IQGAP2: variants seen among roughly 807,000 people sequenced by gnomAD.
The protein encoded by IQGAP2 is ras GTPase-activating-like protein IQGAP2.
A neutral mutation model predicts 201.3 loss-of-function variants in IQGAP2; 173 were observed. The observed-to-expected ratio is 0.86, with a 90% CI of 0.76 to 0.98. IQGAP2 has a LOEUF of 0.98. Ranked by LOEUF, IQGAP2 falls within the 50% of genes least tolerant of loss-of-function variation. IQGAP2 has a pLI of 0.00. For missense variants in IQGAP2, 1,687 were observed against 1,864.8 expected (o/e 0.90, Z 1.76); for synonymous variants, 675 against 673.9 (o/e 1.00, Z -0.03).
At chr5:76,614,457 A>G (rs558397460) in intron 13 of IQGAP2, among the ~76,000 whole-genome samples, 2 of 152,274 alleles carry the variant, frequency 1.3e-5, no homozygotes, top group East Asian at 3.9e-4. Context: ...GCGATGAATC[A>G]TATTTGGTTA....
At chr5:76,614,875 T>C (rs1328818855) in intron 13 of IQGAP2, among the ~76,000 whole-genome samples, 2 of 152,158 alleles carry the variant, frequency 1.3e-5, no homozygotes, top group Non-Finnish European at 2.9e-5. Flanking sequence ...GTATTATCAG[T>C]ATAAAGTAAA....
intron 2 of IQGAP2, 123 bp from the exon 3 acceptor site, chr5:76,562,273 C>T (rs1443265601): frequency 1.2e-5 from 8 of 686,354 alleles, no homozygotes; most frequent in East Asian, 2.7e-5. Flanking sequence ...CCAGTGACAC[C>T]GAAAGATGTT....
At chr5:76,493,117 T>C (rs543511672) in intron 2 of IQGAP2, among the ~76,000 whole-genome samples, 6 of 152,238 alleles carry the variant, frequency 3.9e-5, no homozygotes, top group African/African-American at 1.4e-4. Context: ...TCCTGCTGCT[T>C]CCCTTGTCCC....
chr5:76,512,654 T>C (rs1378155031), intron 2 of IQGAP2, among the ~76,000 whole-genome samples: 3 of 152,206 alleles, frequency 2.0e-5, no homozygotes, highest in African/African-American at 7.2e-5. Context: ...TGTGGAAGTT[T>C]ACAGATTTTT....
At chr5:76,565,276 G>T (rs1744667424) in intron 3 of IQGAP2, among the ~76,000 whole-genome samples, 1 of 152,178 alleles carries the variant, frequency 6.6e-6, no homozygotes, top group Non-Finnish European at 1.5e-5. Flanking sequence ...TGGAAACCAT[G>T]AATTCAGTGA....
chr5:76,492,277 G>A (rs1399956723), intron 2 of IQGAP2, among the ~76,000 whole-genome samples: 1 of 152,194 alleles, frequency 6.6e-6, no homozygotes, highest in East Asian at 1.9e-4. Context: ...CCTGTGGACT[G>A]CTTTCAGGCC....
chr5:76,456,257 G>A (rs1561385335), intron 1 of IQGAP2, among the ~76,000 whole-genome samples: 2 of 152,208 alleles, frequency 1.3e-5, no homozygotes, highest in African/African-American at 4.8e-5. Context: ...GGGGGTGGCA[G>A]TCTCTTTCAT....
chr5:76,595,004 T>G (rs1224916571), intron 9 of IQGAP2, among the ~76,000 whole-genome samples: 1 of 151,944 alleles, frequency 6.6e-6, no homozygotes, highest in African/African-American at 2.4e-5. Flanking sequence ...ATCATTACTT[T>G]GACAAGATTT....
rs765690071 is a variant in IQGAP2 at position 76,617,836 on chromosome 5, C to A, written c.1521+6653C>A. ...TACCACAACCATCTATGATCGTATG[C>A]ATTAAGTGTCCGGATGATGGCTGCA... On this transcript the variant is annotated intron_variant, in intron 13 of 35. Transcript: ENST00000274364. 4 of 1,613,822 alleles carry A rather than the reference C, an allele frequency of 2.5e-6. No homozygotes were observed. In the African/African-American group the frequency reaches 5.3e-5, roughly 22 times the overall value.
chr5:76,562,785 C>G (rs1037820966), intron 3 of IQGAP2, among the ~76,000 whole-genome samples: 1 of 152,150 alleles, frequency 6.6e-6, no homozygotes, highest in Non-Finnish European at 1.5e-5. Context: ...CAATGCCTCC[C>G]CCAATTATTC....
chr5:76,443,008 T>C (rs901754388), intron 1 of IQGAP2, among the ~76,000 whole-genome samples: 1 of 151,866 alleles, frequency 6.6e-6, no homozygotes, highest in Non-Finnish European at 1.5e-5. Context: ...ATAAATAAAA[T>C]AAAATCAGTT....
intron 5 of IQGAP2, among the ~76,000 whole-genome samples, chr5:76,576,710 G>A (rs573852648): frequency 6.6e-6 from 1 of 152,286 alleles, no homozygotes; most frequent in South Asian, 2.1e-4. Flanking sequence ...CATATAATTT[G>A]ACTTTTTCCC....
intron 2 of IQGAP2, among the ~76,000 whole-genome samples, chr5:76,509,401 C>CT (rs781214232): frequency 0.024 from 3,488 of 143,474 alleles, 118 homozygotes; most frequent in African/African-American, 0.078. Context: ...ATTCCTTGTC[C>CT]TTTTTTTTTT....
chr5:76,486,377 G>A (rs1169988355), intron 2 of IQGAP2, among the ~76,000 whole-genome samples: 1 of 152,086 alleles, frequency 6.6e-6, no homozygotes, highest in Non-Finnish European at 1.5e-5. Context: ...CCAGTTTTAT[G>A]TCCCCTCATC....
In IQGAP2 at chr5:76,562,101, C is replaced by A. The variant is rs975268606; in HGVS notation, c.147-295C>A. ...ATTCCACCTATACAAAATGGTTTGG[C>A]CTTTTCCTTCTTTGGCACAAAAGAG... On this transcript the variant is annotated intron_variant, in intron 2 of 35. Transcript: ENST00000274364. 5.9e-5 allele frequency among the ~76,000 whole-genome samples: 9 copies of A among 152,144 alleles called. No homozygotes were observed. In the South Asian group the frequency reaches 6.2e-4, roughly 11 times the overall value.
intron 20 of IQGAP2, 57 bp from the exon 21 acceptor site, chr5:76,658,402 T>C: frequency 1.5e-6 from 2 of 1,358,148 alleles, no homozygotes; most frequent in Non-Finnish European, 2.1e-6. Flanking sequence ...GTTTCTTTCC[T>C]GTTGATAATC....
chr5:76,571,337 G>A (rs1324487550), intron 4 of IQGAP2, among the ~76,000 whole-genome samples: 1 of 151,894 alleles, frequency 6.6e-6, no homozygotes, highest in African/African-American at 2.4e-5. Flanking sequence ...CCCATGCCCA[G>A]CTAATTTTTG....
chr5:76,609,242 A>G (rs1027492194), intron 12 of IQGAP2: 24 of 1,535,594 alleles, frequency 1.6e-5, no homozygotes, highest in Middle Eastern at 3.3e-4. Flanking sequence ...TATTTAGAAC[A>G]GCTTACCCAA....
intron 1 of IQGAP2, among the ~76,000 whole-genome samples, chr5:76,433,451 A>G (rs973502080): frequency 6.6e-6 from 1 of 152,166 alleles, no homozygotes; most frequent in African/African-American, 2.4e-5. Flanking sequence ...TTCTTGCTGA[A>G]TTCTGGCAAC....
Sources: allele counts gnomAD v4.1 joint callset (sites outside exome capture counted in the v4.1 genomes callset), GRCh38; gene constraint gnomAD v4.1.1; transcripts MANE v1.5; gene names NCBI Gene and HGNC (gene_info 2026-07-23, HGNC 2026-07-21).